KALRN: variants seen among roughly 807,000 people sequenced by gnomAD.
KALRN encodes the protein kalirin RhoGEF kinase, also known as kalirin.
KALRN carries 70 observed loss-of-function variants against 353.7 expected under a neutral mutation model. The ratio of observed to expected loss-of-function variants is 0.20; its 90% CI spans 0.16 to 0.24. The LOEUF (loss-of-function observed/expected upper bound fraction) is 0.24. Among genes scored for constraint, KALRN ranks in the 10% least tolerant of loss-of-function variants. The probability of loss-of-function intolerance (pLI) is 1.00; values close to 1 mark genes in which losing one functional copy is unlikely to be tolerated. For missense variants in KALRN, 2,791 were observed against 3,756.7 expected, an observed-to-expected ratio of 0.74 and a Z score of 6.72; for synonymous variants, 1,391 against 1,434.8, an observed-to-expected ratio of 0.97 and a Z score of 0.69.
chr3:124,110,976 C>T (rs894350753), intron 1 of KALRN, among the ~76,000 whole-genome samples: 1 of 152,216 alleles, frequency 6.6e-6, no homozygotes, highest in Non-Finnish European at 1.5e-5. Flanking sequence ...TTGGCAAATG[C>T]TCTCAAGGCA....
At chr3:124,153,702 A>C (rs543833470) in intron 1 of KALRN, among the ~76,000 whole-genome samples, 1,884 of 149,336 alleles carry the variant, frequency 0.013, 44 homozygotes, top group African/African-American at 0.043. Flanking sequence ...CACTGACTTC[A>C]ACAATGGTTG....
chr3:124,355,737 A>G (rs1168271935), intron 10 of KALRN, among the ~76,000 whole-genome samples: 2 of 73,384 alleles, frequency 2.7e-5, no homozygotes, highest in Non-Finnish European at 5.5e-5. Flanking sequence ...TTTTTTTGAG[A>G]CAGAGTCTCG....
At chr3:124,476,118 C>G (rs1401796163) in intron 26 of KALRN, among the ~76,000 whole-genome samples, 1 of 151,860 alleles carries the variant, frequency 6.6e-6, no homozygotes, top group Non-Finnish European at 1.5e-5. Flanking sequence ...AAATATTCAT[C>G]TTTTGCCAAG....
chr3:124,699,931 C>G lies in KALRN; in HGVS notation c.7894C>G (p.Leu2632Val), dbSNP rs770194151. ...TLDTYLVIED[L>V]SPGCPYQFRV... Reference sequence around the variant, plus strand: ...GGACACTTACCTCGTCATCGAAGACCTTAGTCCCGGGTGTCCTTATCAGTT... The same window carrying G: ...GGACACTTACCTCGTCATCGAAGACGTTAGTCCCGGGTGTCCTTATCAGTT... The change falls in exon 56 of 60, where the codon CTT becomes GTT. Residue 2632 changes from leucine (L) to valine (V), a missense_variant. By Grantham distance (32) the Leu-to-Val change is conservative. This residue lies in a region of KALRN where 1,065 missense variants were observed against 1,156.4 expected (regional missense o/e 0.92). Coordinates refer to ENST00000682506, the MANE Select transcript of KALRN (RefSeq NM_001388419.1). The G allele has an allele frequency of 6.2e-7, 1 of 1,614,154 alleles. No homozygotes were observed. The highest frequency in any genetic ancestry group is 2.2e-5 in the East Asian group (1 of 44,880).
chr3:124,060,671 G>A (rs1022275454), intron 1 of KALRN, among the ~76,000 whole-genome samples: 2 of 152,242 alleles, frequency 1.3e-5, no homozygotes, highest in Non-Finnish European at 2.9e-5. Flanking sequence ...CAACCTCCAA[G>A]GATATTGCAA....
chr3:124,220,054 C>T (rs1486756540), intron 1 of KALRN, among the ~76,000 whole-genome samples: 1 of 151,946 alleles, frequency 6.6e-6, no homozygotes, highest in African/African-American at 2.4e-5. Flanking sequence ...AAGCACTTCT[C>T]CTGCCTCAGC....
intron 33 of KALRN, chr3:124,519,225 A>G: frequency 1.0e-6 from 1 of 969,714 alleles, no homozygotes; most frequent in Non-Finnish European, 1.2e-6. Flanking sequence ...TAAATGAAAA[A>G]CTGGCCACAT....
intron 5 of KALRN, among the ~76,000 whole-genome samples, chr3:124,296,474 T>C (rs564695006): frequency 1.3e-5 from 2 of 152,220 alleles, no homozygotes; most frequent in Non-Finnish European, 2.9e-5. Flanking sequence ...GCCACTCCCG[T>C]AATCCAGGAC....
chr3:124,153,241 A>G (rs1234722260), intron 1 of KALRN, among the ~76,000 whole-genome samples: 1 of 142,922 alleles, frequency 7.0e-6, no homozygotes, highest in African/African-American at 2.6e-5. Flanking sequence ...AGCATTAGGT[A>G]TATCTCCTAA....
intron 34 of KALRN, among the ~76,000 whole-genome samples, chr3:124,597,563 G>A (rs961427621): frequency 6.6e-6 from 1 of 152,118 alleles, no homozygotes; most frequent in African/African-American, 2.4e-5. Flanking sequence ...AAAGCAGCAG[G>A]GATATTCAGG....
intron 50 of KALRN, 66 bp downstream of exon 50, chr3:124,678,379 A>G (rs1327786509): frequency 6.4e-7 from 1 of 1,560,380 alleles, no homozygotes. Context: ...GCATTCTCAC[A>G]AGCCAATTTG....
At chr3:124,047,954 G>A (rs577553899) in intron 1 of KALRN, among the ~76,000 whole-genome samples, 4 of 152,038 alleles carry the variant, frequency 2.6e-5, no homozygotes, top group Non-Finnish European at 5.9e-5. Context: ...CTGATATGAG[G>A]TATTTCCTTC....
Position 124,455,275 on chromosome 3 carries a change from G to A in KALRN, c.3651G>A (p.Thr1217=), listed in dbSNP as rs1346938282. 14 of 1,614,034 alleles carry A rather than the reference G, an allele frequency of 8.7e-6. No individual in the cohort carries two copies. Among genetic ancestry groups the A allele is most frequent in the East Asian group, 2.2e-5 (1 of 44,894 alleles). ...CGGAGATAAGGAAATGGGTGACCACGGTGGACAAGCACTACAGAGATTTCT... is the reference window on the plus strand; with the variant it reads ...CGGAGATAAGGAAATGGGTGACCACAGTGGACAAGCACTACAGAGATTTCT... ...HATEIRKWVT[T]VDKHYRDFSL... is the part of the protein sequence containing the mutation. The change falls in exon 22 of 60, where the codon ACG becomes ACA. Residue 1217 remains threonine, a synonymous_variant. Coordinates refer to ENST00000682506, the MANE Select transcript of KALRN (RefSeq NM_001388419.1).
chr3:124,242,836 G>T (rs180751483), intron 3 of KALRN, among the ~76,000 whole-genome samples: 8 of 152,244 alleles, frequency 5.3e-5, no homozygotes, highest in African/African-American at 1.9e-4. Flanking sequence ...TCCCCCAGGT[G>T]TTTGTGTTCA....
At chr3:124,228,796 G>C (rs895447834) in intron 2 of KALRN, among the ~76,000 whole-genome samples, 1 of 152,166 alleles carries the variant, frequency 6.6e-6, no homozygotes, top group Non-Finnish European at 1.5e-5. Context: ...GTTTCATGGG[G>C]CTGAAATCTA....
At chr3:124,558,605 T>A (rs964283790) in intron 33 of KALRN, among the ~76,000 whole-genome samples, 2 of 152,262 alleles carry the variant, frequency 1.3e-5, no homozygotes, top group African/African-American at 4.8e-5. Flanking sequence ...GACAATCATT[T>A]AGCTCTCTCT....
intron 25 of KALRN, among the ~76,000 whole-genome samples, chr3:124,465,248 G>T (rs2060219778): frequency 6.6e-6 from 1 of 152,072 alleles, no homozygotes. Flanking sequence ...ATAAGAGATA[G>T]AATGGCAGTT....
intron 25 of KALRN, among the ~76,000 whole-genome samples, chr3:124,471,252 A>G (rs1367602940): frequency 7.6e-6 from 1 of 132,444 alleles, no homozygotes; most frequent in Admixed American, 7.9e-5. Flanking sequence ...CACCCCCACA[A>G]AGTTTTATTA....
intron 51 of KALRN, among the ~76,000 whole-genome samples, chr3:124,692,151 C>A (rs1488180451): frequency 6.6e-6 from 1 of 152,216 alleles, no homozygotes; most frequent in Non-Finnish European, 1.5e-5. Context: ...AGGCATGAGG[C>A]CCAGGCATTA....
Sources: allele counts gnomAD v4.1 joint callset (sites outside exome capture counted in the v4.1 genomes callset), GRCh38; gene constraint gnomAD v4.1.1; regional missense constraint gnomAD v4.1.1; transcripts MANE v1.5; gene names NCBI Gene and HGNC (gene_info 2026-07-23, HGNC 2026-07-21).